TAOK3: variants seen among roughly 807,000 people sequenced by gnomAD.
TAOK3 encodes the protein serine/threonine-protein kinase TAO3.
Under a neutral mutation model 120.4 loss-of-function variants are expected in TAOK3, and 40 were observed. That is an observed-to-expected ratio of 0.33 (90% CI 0.26 to 0.43). The LOEUF (loss-of-function observed/expected upper bound fraction) is 0.43, where lower values mean the gene tolerates loss of function less well. Among genes scored for constraint, TAOK3 ranks in the 20% least tolerant of loss-of-function variants. TAOK3 has a pLI of 1.00. For synonymous variants in TAOK3, 355 were observed against 387.5 expected (o/e 0.92, Z 0.99); for missense variants, 821 against 1,112.1 (o/e 0.74, Z 3.72).
At chr12:118,182,745 A>G (rs1271744692) in intron 14 of TAOK3, among the ~76,000 whole-genome samples, 1 of 151,064 alleles carries the variant, frequency 6.6e-6, no homozygotes, top group Non-Finnish European at 1.5e-5. Flanking sequence ...GATCTCTTAA[A>G]TCATGTCTCC....
chr12:118,343,371 G>GCTGAGTTAC (rs1566148324), intron 1 of TAOK3, among the ~76,000 whole-genome samples: 2 of 150,272 alleles, frequency 1.3e-5, no homozygotes, highest in Admixed American at 6.7e-5. Flanking sequence ...AGGTTACAGT[G>GCTGAGTTAC]AGCTCAGATT....
intron 1 of TAOK3, among the ~76,000 whole-genome samples, chr12:118,270,120 T>C (rs1310087114): frequency 3.9e-5 from 6 of 152,346 alleles, no homozygotes; most frequent in African/African-American, 1.4e-4. Flanking sequence ...TAGACAGTAC[T>C]GACCATTATT....
intron 1 of TAOK3, among the ~76,000 whole-genome samples, chr12:118,280,554 G>T (rs1024108799): frequency 6.6e-6 from 1 of 152,142 alleles, no homozygotes; most frequent in African/African-American, 2.4e-5. Flanking sequence ...ACTGGTCTAT[G>T]TGTCTGTTTT....
intron 9 of TAOK3, among the ~76,000 whole-genome samples, chr12:118,215,739 T>G (rs563485974): frequency 4.2e-4 from 64 of 152,260 alleles, no homozygotes; most frequent in African/African-American, 1.5e-3. Context: ...AATTATTTAT[T>G]TTTTGAGATG....
At chr12:118,255,174 G>A (rs1360465273) in intron 3 of TAOK3, among the ~76,000 whole-genome samples, 1 of 152,176 alleles carries the variant, frequency 6.6e-6, no homozygotes, top group African/African-American at 2.4e-5. Flanking sequence ...ATGACTATTT[G>A]CCTCTACGGT....
intron 11 of TAOK3, among the ~76,000 whole-genome samples, chr12:118,210,451 C>T (rs1226349870): frequency 3.3e-5 from 5 of 152,068 alleles, no homozygotes; most frequent in Admixed American, 3.3e-4. Context: ...GGTCTGGAGT[C>T]AGTTGGTTTT....
intron 1 of TAOK3, among the ~76,000 whole-genome samples, chr12:118,329,357 G>A (rs1041914720): frequency 6.6e-6 from 1 of 152,130 alleles, no homozygotes; most frequent in African/African-American, 2.4e-5. Context: ...CAGGATTTGT[G>A]TCCTGAAGGA....
chr12:118,268,511 C>T (rs533490019), intron 1 of TAOK3, among the ~76,000 whole-genome samples: 10 of 152,230 alleles, frequency 6.6e-5, no homozygotes, highest in Middle Eastern at 3.4e-3. Context: ...TTACTCCTTC[C>T]GATTCTGTCT....
At chr12:118,256,952 T>C (rs2041013957) in intron 2 of TAOK3, among the ~76,000 whole-genome samples, 1 of 152,200 alleles carries the variant, frequency 6.6e-6, no homozygotes, top group Admixed American at 6.5e-5. Flanking sequence ...TTTGGTGTAA[T>C]TAATGTTGAA....
intron 2 of TAOK3, among the ~76,000 whole-genome samples, chr12:118,258,160 T>G (rs1020654388): frequency 3.9e-5 from 6 of 152,104 alleles, no homozygotes; most frequent in Non-Finnish European, 7.3e-5. Context: ...ATGAAGCTGG[T>G]GTTGAGCCAA....
At chr12:118,298,940 A>G (rs1236712447) in intron 1 of TAOK3, among the ~76,000 whole-genome samples, 1 of 152,228 alleles carries the variant, frequency 6.6e-6, no homozygotes, top group Non-Finnish European at 1.5e-5. Context: ...GCCAGAGCCC[A>G]TAATCTATAT....
intron 2 of TAOK3, among the ~76,000 whole-genome samples, chr12:118,262,752 G>A (rs867392969): frequency 4.6e-5 from 7 of 151,202 alleles, no homozygotes; most frequent in Middle Eastern, 3.2e-3. Context: ...GCTTGAAACC[G>A]GGAGGCAGAG....
intron 5 of TAOK3, among the ~76,000 whole-genome samples, chr12:118,243,081 A>T (rs1299299639): frequency 2.0e-5 from 3 of 152,114 alleles, no homozygotes; most frequent in Non-Finnish European, 4.4e-5. Context: ...ACTGGAGTGG[A>T]GGATGAGAAA....
intron 3 of TAOK3, among the ~76,000 whole-genome samples, chr12:118,248,372 A>T (rs998217278): frequency 2.6e-5 from 4 of 152,138 alleles, no homozygotes; most frequent in Non-Finnish European, 5.9e-5. Context: ...AAAGTACAGA[A>T]TGACTTTTGT....
In TAOK3 at chr12:118,150,891, AGT is replaced by A. The variant is rs1437056618; in HGVS notation, c.*104_*105del. On this transcript the variant is annotated 3_prime_UTR_variant, in exon 21 of 21. Coordinates refer to ENST00000392533, the MANE Select transcript of TAOK3 (RefSeq NM_016281.4). ...GTCAGTAAGAGTAAGAGAGAGAGAG[AGT>A]GAGAGCAACGCCCGTTAAAATGGGG... The A allele has an allele frequency of 9.0e-7, 1 of 1,112,134 alleles. No individual in the cohort carries two copies. Among genetic ancestry groups the A allele is most frequent in the Admixed American group, 2.5e-5 (1 of 39,928 alleles). 68.9% of individuals were successfully genotyped at this position (1,112,134 alleles called of 1,614,324 possible).
chr12:118,266,814 A>G (rs2041468488), intron 1 of TAOK3, 55 bp from the exon 2 acceptor site: 1 of 390,612 alleles, frequency 2.6e-6, no homozygotes, highest in African/African-American at 2.1e-5. Flanking sequence ...AAGAATCAAT[A>G]ATTGCTCATG....
At chr12:118,197,107 C>A (rs1337585125) in intron 13 of TAOK3, among the ~76,000 whole-genome samples, 1 of 152,050 alleles carries the variant, frequency 6.6e-6, no homozygotes, top group Admixed American at 6.6e-5. Flanking sequence ...GGTACAAGAA[C>A]TAAATGGATT....
intron 1 of TAOK3, among the ~76,000 whole-genome samples, chr12:118,292,940 A>G (rs1041481116): frequency 7.9e-5 from 12 of 152,248 alleles, no homozygotes; most frequent in African/African-American, 2.9e-4. Context: ...GAAAGCATTT[A>G]AAACTTGAAA....
At chr12:118,276,102 A>T (rs773691212) in intron 1 of TAOK3, among the ~76,000 whole-genome samples, 2 of 152,206 alleles carry the variant, frequency 1.3e-5, no homozygotes, top group Non-Finnish European at 2.9e-5. Flanking sequence ...TTCATGAGAG[A>T]TGCCACTTCT....
Sources: gnomAD v4.1 joint callset for allele counts (sites outside exome capture counted in the v4.1 genomes callset) on GRCh38, gnomAD v4.1.1 for gene constraint, MANE v1.5 for transcripts, NCBI Gene and HGNC (gene_info 2026-07-23, HGNC 2026-07-21) for gene names.